Variants in AP1G1 observed in about 807,000 individuals in gnomAD.
AP1G1 encodes the protein AP-1 complex subunit gamma-1.
In AP1G1, 7 loss-of-function variants were observed where a neutral mutation model predicts 108.3. The ratio of observed to expected loss-of-function variants is 0.06; its 90% CI spans 0.04 to 0.12. AP1G1 has a LOEUF of 0.12. Ranked by LOEUF, AP1G1 falls within the 10% of genes least tolerant of loss-of-function variation. AP1G1 has a pLI of 1.00. For missense variants in AP1G1, 756 were observed against 1,010.7 expected (o/e 0.75, Z 3.42); for synonymous variants, 379 against 353.5 (o/e 1.07, Z -0.81).
chr16:71,782,927 C>T (rs1265089026), intron 2 of AP1G1, among the ~76,000 whole-genome samples: 1 of 152,098 alleles, frequency 6.6e-6, no homozygotes, highest in African/African-American at 2.4e-5. Flanking sequence ...TTATTTTGTA[C>T]ATTTCCTTAC....
chr16:71,789,857 ATAT>A (rs1205435444), intron 1 of AP1G1, among the ~76,000 whole-genome samples: 1 of 152,250 alleles, frequency 6.6e-6, no homozygotes, highest in African/African-American at 2.4e-5. Flanking sequence ...GAAAAGATAG[ATAT>A]TATCTGTTCA....
At position 71,739,008 on chromosome 16, in the gene AP1G1, C is replaced by A; in HGVS notation, c.2202G>T (p.Thr734=). Residue 734 remains threonine, a synonymous_variant, in exon 21 of 23, where the codon ACG becomes ACT. Transcript: ENST00000299980. The part of the protein sequence containing the change: ...SNTNPSVTVI[T]IQASNSTELD... ...GCTCTGTGCTGTTGGAGGCCTGTAT[C>A]GTTATCACTGTTACACTGGGGTTGG... 1 of 1,614,076 alleles carries A rather than the reference C, an allele frequency of 6.2e-7. No individual in the cohort carries two copies. The highest frequency in any genetic ancestry group is 1.1e-5 in the South Asian group (1 of 91,076).
intron 2 of AP1G1, among the ~76,000 whole-genome samples, chr16:71,777,260 C>CA (rs1567656293): frequency 6.7e-6 from 1 of 148,758 alleles, no homozygotes; most frequent in Non-Finnish European, 1.5e-5. Flanking sequence ...AGGGATGAGG[C>CA]AGGACATGAG....
intron 1 of AP1G1, among the ~76,000 whole-genome samples, chr16:71,794,455 C>G (rs2032508829): frequency 6.6e-6 from 1 of 151,952 alleles, no homozygotes; most frequent in African/African-American, 2.4e-5. Context: ...TATTAAAAGT[C>G]TGACTTAAGG....
chr16:71,759,340 A>G (rs951243238), intron 10 of AP1G1, among the ~76,000 whole-genome samples: 4 of 152,166 alleles, frequency 2.6e-5, no homozygotes, highest in Non-Finnish European at 5.9e-5. Flanking sequence ...AGGTGCCTGT[A>G]GTCCCAGCTA....
rs1316474114 is a variant in AP1G1 at position 71,768,205 on chromosome 16, A to T, written c.642+1418T>A. ...AAAATACTAGTTTAAAAAAAAAAAA[A>T]AAAAAAAAAAGGCCGGGCGCGGTAG... On this transcript the variant is annotated intron_variant, in intron 6 of 22. Transcript: ENST00000299980. 3.3e-5 allele frequency among the ~76,000 whole-genome samples: 5 copies of T among 150,830 alleles called. No individual in the cohort carries two copies. The East Asian group carries it at 9.7e-4, about 29-fold the overall frequency.
chr16:71,802,864 C>T (rs1401229535), intron 1 of AP1G1, among the ~76,000 whole-genome samples: 1 of 152,010 alleles, frequency 6.6e-6, no homozygotes, highest in Non-Finnish European at 1.5e-5. Context: ...GTCTGGCCAG[C>T]GAAGTTTATT....
chr16:71,795,061 G>A (rs2032539132), intron 1 of AP1G1, among the ~76,000 whole-genome samples: 1 of 151,862 alleles, frequency 6.6e-6, no homozygotes, highest in African/African-American at 2.4e-5. Context: ...TGTACCAGCT[G>A]CTCACCAACA....
In AP1G1 at chr16:71,771,843, TCTA is replaced by T. The variant is rs558455388; in HGVS notation, c.469-594_469-592del. Among the ~76,000 whole-genome samples, 48 of 152,318 alleles carry T rather than the reference TCTA, an allele frequency of 3.2e-4. No homozygotes were observed. The East Asian group carries it at 5.8e-3, about 18-fold the overall frequency. ...AGATATATACTGTAAATGCTATAAA[TCTA>T]CTGTTATGTTTAATAGTATCTATGT... On this transcript the variant is annotated intron_variant, in intron 4 of 22. Coordinates refer to ENST00000299980, the MANE Select transcript of AP1G1 (RefSeq NM_001128.6).
chr16:71,737,099 T>A (rs2045560013), intron 21 of AP1G1, among the ~76,000 whole-genome samples: 1 of 152,136 alleles, frequency 6.6e-6, no homozygotes, highest in Non-Finnish European at 1.5e-5. Context: ...TTCAAAAAAC[T>A]TATTTATTCC....
intron 19 of AP1G1, chr16:71,743,689 C>T (rs1191286679): frequency 6.6e-6 from 1 of 152,258 alleles, no homozygotes; most frequent in African/African-American, 2.4e-5. Context: ...GGCGTGGTGG[C>T]TCACACCTGT....
chr16:71,806,581 A>C lies in AP1G1; in HGVS notation c.-4+2182T>G, dbSNP rs574324889. On this transcript the variant is annotated intron_variant, in intron 1 of 22. Transcript: ENST00000299980. ...ATACCAATATATTAAAGCATGAAAA[A>C]CACTGAGTTAACTAACATCTATGTG... 7.1e-5 allele frequency: 47 copies of C among 666,306 alleles called. 2 individuals are homozygous for C. The Middle Eastern group carries it at 1.3e-3, about 18-fold the overall frequency. 41.3% of individuals were successfully genotyped at this position (666,306 alleles called of 1,614,324 possible).
intron 2 of AP1G1, among the ~76,000 whole-genome samples, chr16:71,778,454 G>A (rs907183308): frequency 2.6e-5 from 4 of 152,076 alleles, no homozygotes; most frequent in Non-Finnish European, 4.4e-5. Flanking sequence ...AGGCCGAGGT[G>A]GGTGGACTGC....
chr16:71,770,650 G>A (rs76230043), intron 5 of AP1G1, among the ~76,000 whole-genome samples: 1 of 152,166 alleles, frequency 6.6e-6, no homozygotes, highest in East Asian at 1.9e-4. Context: ...GCTAATTCTG[G>A]TATTTTTTAC....
At position 71,734,650 on chromosome 16, in the gene AP1G1, C is replaced by G; in HGVS notation, c.2326G>C (p.Gly776Arg). 1 of 1,614,072 alleles carries G rather than the reference C, an allele frequency of 6.2e-7. No homozygotes were observed. The highest frequency in any genetic ancestry group is 8.5e-7 in the Non-Finnish European group (1 of 1,179,996). The change falls in exon 22 of 23, where the codon GGG becomes CGG. Residue 776 changes from glycine (G) to arginine (R), a missense_variant. By Grantham distance (125) the Gly-to-Arg change is moderately radical. Transcript: ENST00000299980. Reference protein sequence around the residue: ...SSSIVPAFNTGTITQVIKVLN... With the variant: ...SSSIVPAFNTRTITQVIKVLN... The stretch of plus-strand genomic sequence containing the variant: ...ACTTTAATGACTTGTGTGATGGTCC[C>G]CGTGTTAAATGCTGGGACAATGCTG...
intron 1 of AP1G1, among the ~76,000 whole-genome samples, chr16:71,791,266 C>T (rs1420758475): frequency 6.7e-6 from 1 of 150,174 alleles, no homozygotes; most frequent in East Asian, 1.9e-4. Flanking sequence ...AAAATCCTCA[C>T]AGAACTGTAA....
chr16:71,760,934 A>C (rs988261327), intron 10 of AP1G1, among the ~76,000 whole-genome samples: 8 of 152,230 alleles, frequency 5.3e-5, no homozygotes, highest in Non-Finnish European at 7.3e-5. Context: ...ACAGGAAAAT[A>C]ACAAAATAAA....
chr16:71,791,763 C>CT (rs34099153), intron 1 of AP1G1, among the ~76,000 whole-genome samples: 67,546 of 113,322 alleles, frequency 0.6, 20,920 homozygotes, highest in East Asian at 0.8. Flanking sequence ...TAAACTCTGA[C>CT]TTTTTTTTTT....
chr16:71,773,132 T>C lies in AP1G1; in HGVS notation c.468+89A>G, dbSNP rs913608225. ...ACACAGAAAAAATGACTTTACATTA[T>C]CATCAGATCTTTCAAAAATGAGTAA... On this transcript the variant is annotated intron_variant, in intron 4 of 22. Coordinates refer to ENST00000299980, the MANE Select transcript of AP1G1 (RefSeq NM_001128.6). The C allele has an allele frequency of 1.6e-5, 22 of 1,413,756 alleles. No homozygotes were observed. The highest frequency in any genetic ancestry group is 2.0e-5 in the Non-Finnish European group (20 of 1,012,156). The allele number at this position is 1,413,756 out of a possible 1,614,324, so 87.6% of individuals were successfully genotyped here.
Sources: gnomAD v4.1 joint callset for allele counts (sites outside exome capture counted in the v4.1 genomes callset) on GRCh38, gnomAD v4.1.1 for gene constraint, MANE v1.5 for transcripts, NCBI Gene and HGNC (gene_info 2026-07-23, HGNC 2026-07-21) for gene names.